CNTNAP2: variants seen among roughly 807,000 people sequenced by gnomAD.
The protein encoded by CNTNAP2 is contactin-associated protein-like 2.
CNTNAP2 carries 98 observed loss-of-function variants against 155.2 expected under a neutral mutation model. That is an observed-to-expected ratio of 0.63 (90% confidence interval 0.54 to 0.75). The LOEUF is 0.75. CNTNAP2 is among the 30% of genes least tolerant of loss of function. CNTNAP2 has a pLI of 0.00. For missense variants in CNTNAP2, 1,727 were observed against 1,688.1 expected (o/e 1.02, Z -0.40); for synonymous variants, 651 against 631.2 (o/e 1.03, Z -0.47).
rs57422437 is a variant in CNTNAP2, at chr7:147,949,440, G to GTATATATA, written c.2256-28410_2256-28403dup. Among the ~76,000 whole-genome samples the GTATATATA allele has an allele frequency of 4.8e-4, 61 of 127,400 alleles. 1 individual carries two copies. The South Asian group carries it at 0.014, about 30-fold the overall frequency. The allele number at this position is 127,400 out of a possible 152,430, so 83.6% of individuals were successfully genotyped here. A position where few individuals can be genotyped will look rare whatever the true frequency, so the allele number is the denominator to read the frequency against. ...TGTGTTGTTCAAGGATCAACTGTGT[G>GTATATATA]TATATATATATATATATATTTTTTT... On this transcript the variant is annotated intron_variant, in intron 14 of 23. Coordinates refer to ENST00000361727, the MANE Select transcript of CNTNAP2 (RefSeq NM_014141.6).
At chr7:147,094,787 CT>C (rs1355419914) in intron 4 of CNTNAP2, among the ~76,000 whole-genome samples, 1 of 152,106 alleles carries the variant, frequency 6.6e-6, no homozygotes, top group Non-Finnish European at 1.5e-5. Context: ...CAGCAGGACT[CT>C]ACTTGAGTAG....
intron 9 of CNTNAP2, among the ~76,000 whole-genome samples, chr7:147,330,332 A>G (rs1795536269): frequency 6.6e-6 from 1 of 152,058 alleles, no homozygotes; most frequent in South Asian, 2.1e-4. Flanking sequence ...GCCTTTTCCT[A>G]TGCATTTCCT....
intron 1 of CNTNAP2, among the ~76,000 whole-genome samples, chr7:146,509,892 G>C (rs532480700): frequency 1.3e-5 from 2 of 152,248 alleles, no homozygotes; most frequent in East Asian, 1.9e-4. Flanking sequence ...GCACACAGGG[G>C]ACCTGTCCAC....
chr7:148,215,485 C>T (rs1005738559), intron 18 of CNTNAP2, among the ~76,000 whole-genome samples: 5 of 148,312 alleles, frequency 3.4e-5, no homozygotes, highest in Non-Finnish European at 7.4e-5. Flanking sequence ...TATTCATGGC[C>T]TTCCCCAGCT....
At chr7:146,840,949 A>G (rs1022344959) in intron 3 of CNTNAP2, among the ~76,000 whole-genome samples, 7 of 152,240 alleles carry the variant, frequency 4.6e-5, no homozygotes, top group Non-Finnish European at 8.8e-5. Flanking sequence ...TTTGTGTATT[A>G]GGATGTATAA....
chr7:146,721,725 A>T lies in CNTNAP2; in HGVS notation c.98-52546A>T, dbSNP rs181748513. ...CTATATACATTCTATATATATTCTA[A>T]ATACATTATATATTCTATATATATA... On this transcript the variant is annotated intron_variant, in intron 1 of 23. Coordinates refer to ENST00000361727, the MANE Select transcript of CNTNAP2 (RefSeq NM_014141.6). Among the ~76,000 whole-genome samples the T allele has an allele frequency of 4.6e-3, 533 of 116,144 alleles. 21 individuals are homozygous for T. The highest frequency in any genetic ancestry group is 0.014 in the African/African-American group (330 of 24,160). 76.2% of individuals were successfully genotyped at this position (116,144 alleles called of 152,430 possible). A position where few individuals can be genotyped will look rare whatever the true frequency, so the allele number is the denominator to read the frequency against.
Position 147,977,975 on chromosome 7 carries a change from G to A in CNTNAP2, c.2369G>A (p.Arg790His), listed in dbSNP as rs73464271. The stretch of plus-strand genomic sequence containing the variant: ...GCCAAATTGAGCGTAGGTCCTCTGC[G>A]CTGCCAAGGAGACAGTAAGTTTGCA... ...SEAKLSVGPL[R>H]CQGDRNYWNA... is the part of the protein sequence containing the mutation. The change falls in exon 15 of 24, where the codon CGC (arginine) becomes CAC (histidine). Residue 790 changes from arginine to histidine, a missense_variant. Arg to His is a conservative substitution (Grantham distance 29). Coordinates refer to ENST00000361727, the MANE Select transcript of CNTNAP2 (RefSeq NM_014141.6). 1.5e-4 allele frequency: 241 copies of A among 1,614,044 alleles called. 3 individuals carry two copies. In the African/African-American group the frequency reaches 2.6e-3, roughly 17 times the overall value.
intron 8 of CNTNAP2, among the ~76,000 whole-genome samples, chr7:147,185,148 TAAAAAG>T (rs1199875129): frequency 3.3e-5 from 5 of 151,920 alleles, no homozygotes; most frequent in East Asian, 1.9e-4. Context: ...ATATTAATCT[TAAAAAG>T]TAAAAAAGAG....
intron 9 of CNTNAP2, among the ~76,000 whole-genome samples, chr7:147,369,160 A>G (rs1439272096): frequency 3.3e-5 from 5 of 152,222 alleles, no homozygotes; most frequent in Non-Finnish European, 7.3e-5. Context: ...AGTAAAGGAT[A>G]TTTTATAACC....
chr7:147,294,222 T>A (rs1584852168), intron 8 of CNTNAP2, among the ~76,000 whole-genome samples: 2 of 152,336 alleles, frequency 1.3e-5, no homozygotes, highest in South Asian at 2.1e-4. Flanking sequence ...AACTTGCACA[T>A]AAACTGTCAA....
chr7:147,824,928 A>G (rs1385697856), intron 13 of CNTNAP2, among the ~76,000 whole-genome samples: 2 of 152,110 alleles, frequency 1.3e-5, no homozygotes, highest in African/African-American at 4.8e-5. Flanking sequence ...GGAAAAGAAA[A>G]TTTTGCTTAA....
chr7:146,224,314 TA>T, intron 1 of CNTNAP2, among the ~76,000 whole-genome samples: 1 of 152,218 alleles, frequency 6.6e-6, no homozygotes, highest in East Asian at 1.9e-4. Flanking sequence ...ATTACTCTTA[TA>T]AGATGTTATA....
At chr7:147,512,029 T>A (rs1380720630) in intron 11 of CNTNAP2, among the ~76,000 whole-genome samples, 1 of 152,208 alleles carries the variant, frequency 6.6e-6, no homozygotes, top group Non-Finnish European at 1.5e-5. Context: ...GTAGACAGCA[T>A]TACCTTGGAA....
At chr7:146,497,044 A>G (rs1797226340) in intron 1 of CNTNAP2, among the ~76,000 whole-genome samples, 1 of 152,122 alleles carries the variant, frequency 6.6e-6, no homozygotes, top group Non-Finnish European at 1.5e-5. Flanking sequence ...CCACTTCTTA[A>G]TGACCCTGTT....
chr7:146,172,186 C>A (rs1287154882), intron 1 of CNTNAP2, among the ~76,000 whole-genome samples: 2 of 151,844 alleles, frequency 1.3e-5, no homozygotes, highest in Non-Finnish European at 2.9e-5. Context: ...TCTGAAAATA[C>A]CTATTTCTTC....
chr7:148,287,386 C>T (rs1472965114), intron 21 of CNTNAP2, among the ~76,000 whole-genome samples: 1 of 152,144 alleles, frequency 6.6e-6, no homozygotes, highest in African/African-American at 2.4e-5. Flanking sequence ...AATTGTTCAG[C>T]TTCGCTCATA....
chr7:147,106,538 A>G (rs1447964729), intron 4 of CNTNAP2, among the ~76,000 whole-genome samples: 1 of 152,142 alleles, frequency 6.6e-6, no homozygotes, highest in African/African-American at 2.4e-5. Context: ...TGGGCAATAA[A>G]GAGCTGATTA....
chr7:146,598,188 G>C lies in CNTNAP2; in HGVS notation c.98-176083G>C, dbSNP rs148665699. On this transcript the variant is annotated intron_variant, in intron 1 of 23. Coordinates refer to ENST00000361727, the MANE Select transcript of CNTNAP2 (RefSeq NM_014141.6). Reference sequence around the variant, plus strand: ...ATTAAATGGGCTGTTTCTGCTGTCTGGGCACCATCCCATTCATAAACTCCA... The same window carrying C: ...ATTAAATGGGCTGTTTCTGCTGTCTCGGCACCATCCCATTCATAAACTCCA... Among the ~76,000 whole-genome samples the C allele has an allele frequency of 8.5e-5, 13 of 152,166 alleles. No homozygotes were observed. The East Asian group carries it at 2.3e-3, about 27-fold the overall frequency.
intron 13 of CNTNAP2, among the ~76,000 whole-genome samples, chr7:147,738,168 G>A (rs540657234): frequency 3.2e-4 from 48 of 152,238 alleles, no homozygotes; most frequent in Admixed American, 1.2e-3. Flanking sequence ...ATCGCCCCCC[G>A]AAATTGGTTT....
Sources: allele counts gnomAD v4.1 joint callset (sites outside exome capture counted in the v4.1 genomes callset), GRCh38; gene constraint gnomAD v4.1.1; transcripts MANE v1.5; gene names NCBI Gene and HGNC (gene_info 2026-07-23, HGNC 2026-07-21).